Variants in SLC35F4 observed in about 807,000 individuals in gnomAD.
SLC35F4 encodes the protein chromosome 14 open reading frame 36.
In SLC35F4, 24 loss-of-function variants were observed where a neutral mutation model predicts 44.2. The ratio of observed to expected loss-of-function variants is 0.54; its 90% CI spans 0.39 to 0.76. The LOEUF is 0.76. SLC35F4 is among the 30% of genes least tolerant of loss of function. SLC35F4 has a pLI of 0.00. For missense variants in SLC35F4, 562 were observed against 586.1 expected (o/e 0.96, Z 0.42); for synonymous variants, 238 against 223.6 (o/e 1.06, Z -0.57).
chr14:57,658,819 A>G (rs954898094), intron 1 of SLC35F4, among the ~76,000 whole-genome samples: 2 of 152,226 alleles, frequency 1.3e-5, no homozygotes, highest in Admixed American at 6.5e-5. Flanking sequence ...AACGGTATCT[A>G]GCACAAAATG....
At chr14:57,897,953 A>T (rs546026243) in intron 1 of SLC35F4, among the ~76,000 whole-genome samples, 213 of 152,344 alleles carry the variant, frequency 1.4e-3, no homozygotes, top group South Asian at 0.011. Flanking sequence ...ATGCAAACAG[A>T]TGACTACTGA....
intron 1 of SLC35F4, among the ~76,000 whole-genome samples, chr14:57,922,013 T>C (rs1889453604): frequency 6.6e-6 from 1 of 152,194 alleles, no homozygotes; most frequent in Non-Finnish European, 1.5e-5. Flanking sequence ...TCTTGCTAGC[T>C]TGATGGCCAA....
intron 1 of SLC35F4, among the ~76,000 whole-genome samples, chr14:57,669,315 C>A (rs1321564549): frequency 6.6e-6 from 1 of 151,868 alleles, no homozygotes; most frequent in Non-Finnish European, 1.5e-5. Flanking sequence ...AATTGAATAC[C>A]CTTTATTTCC....
At chr14:57,598,068 G>T (rs767328577) in intron 1 of SLC35F4, among the ~76,000 whole-genome samples, 4 of 152,168 alleles carry the variant, frequency 2.6e-5, no homozygotes, top group Non-Finnish European at 5.9e-5. Context: ...GACCTACAGG[G>T]ACAAGAAGGC....
At chr14:57,926,733 G>GT (rs1263711720) in intron 1 of SLC35F4, among the ~76,000 whole-genome samples, 1 of 149,828 alleles carries the variant, frequency 6.7e-6, no homozygotes, top group Non-Finnish European at 1.5e-5. Flanking sequence ...GTTGGGGGGG[G>GT]GGGGTGGATA....
intron 1 of SLC35F4, among the ~76,000 whole-genome samples, chr14:57,742,581 T>C (rs1265955083): frequency 6.6e-6 from 1 of 152,166 alleles, no homozygotes; most frequent in East Asian, 1.9e-4. Context: ...AGCAAGTTCT[T>C]AGAGACGTAC....
At chr14:57,885,160 A>G (rs998716608) in intron 1 of SLC35F4, among the ~76,000 whole-genome samples, 2 of 152,142 alleles carry the variant, frequency 1.3e-5, no homozygotes, top group Non-Finnish European at 2.9e-5. Flanking sequence ...TTGTATGAAA[A>G]TCCATATTGT....
intron 1 of SLC35F4, among the ~76,000 whole-genome samples, chr14:57,907,868 G>A (rs1023558061): frequency 7.9e-5 from 12 of 151,968 alleles, no homozygotes; most frequent in Admixed American, 3.9e-4. Flanking sequence ...AGAACGTGCA[G>A]GGTTGTTACA....
At chr14:57,719,829 C>G (rs1453564970) in intron 1 of SLC35F4, among the ~76,000 whole-genome samples, 1 of 152,012 alleles carries the variant, frequency 6.6e-6, no homozygotes, top group South Asian at 2.1e-4. Flanking sequence ...ATTGCCCTAG[C>G]TAGGACTTCC....
In SLC35F4 at chr14:57,572,010, C is replaced by T; in HGVS notation, c.817G>A (p.Ala273Thr). Residue 273 changes from alanine to threonine, a missense_variant, in exon 5 of 8, where the codon GCA (alanine) becomes ACA (threonine). Physicochemically the swap from Ala to Thr is moderately conservative, Grantham distance 58. Transcript: ENST00000556826. ...DRFMGVRIVAAIMAITGIVMM... is the reference protein window; with the variant it reads ...DRFMGVRIVATIMAITGIVMM... ...ACAATGCCGGTAATTGCCATTATTGCAGCAACTATCTGTCAAATAGGATGC... is the reference window on the plus strand; with the variant it reads ...ACAATGCCGGTAATTGCCATTATTGTAGCAACTATCTGTCAAATAGGATGC... 1 of 1,609,480 alleles carries T rather than the reference C, an allele frequency of 6.2e-7. No individual in the cohort carries two copies. The highest frequency in any genetic ancestry group is 8.5e-7 in the Non-Finnish European group (1 of 1,177,702).
intron 1 of SLC35F4, among the ~76,000 whole-genome samples, chr14:57,763,272 C>G (rs939035267): frequency 1.3e-5 from 2 of 152,048 alleles, no homozygotes; most frequent in African/African-American, 4.8e-5. Context: ...TCAAGAGATA[C>G]CTTGATGTTT....
intron 1 of SLC35F4, among the ~76,000 whole-genome samples, chr14:57,750,989 C>T (rs562674720): frequency 6.6e-6 from 1 of 152,286 alleles, no homozygotes; most frequent in Admixed American, 6.5e-5. Context: ...GCCCAGTCTC[C>T]TCCGTCTCCG....
chr14:57,962,634 A>G (rs1890359717), intron 1 of SLC35F4, among the ~76,000 whole-genome samples: 1 of 152,246 alleles, frequency 6.6e-6, no homozygotes, highest in Admixed American at 6.5e-5. Flanking sequence ...GGTCCATTAA[A>G]TAAGGTCATG....
chr14:57,670,491 A>C, intron 1 of SLC35F4, among the ~76,000 whole-genome samples: 1 of 151,524 alleles, frequency 6.6e-6, no homozygotes, highest in Non-Finnish European at 1.5e-5. Flanking sequence ...TTCCCTCTAC[A>C]CACTGCTTTG....
intron 1 of SLC35F4, among the ~76,000 whole-genome samples, chr14:57,729,358 T>C (rs973281333): frequency 1.3e-5 from 2 of 152,200 alleles, no homozygotes; most frequent in African/African-American, 2.4e-5. Context: ...GGATAACCCC[T>C]GGAGCCAGCA....
chr14:57,770,710 C>T (rs368746318), intron 1 of SLC35F4, among the ~76,000 whole-genome samples: 1 of 152,074 alleles, frequency 6.6e-6, no homozygotes, highest in Non-Finnish European at 1.5e-5. Flanking sequence ...ATTTTCAAGT[C>T]AAATTTCATA....
intron 1 of SLC35F4, among the ~76,000 whole-genome samples, chr14:57,901,293 G>A (rs1888995376): frequency 6.6e-6 from 1 of 152,160 alleles, no homozygotes; most frequent in East Asian, 1.9e-4. Context: ...ATGATAAACT[G>A]GATAAAGAAA....
At chr14:57,807,359 C>T (rs939104097) in intron 1 of SLC35F4, among the ~76,000 whole-genome samples, 2 of 150,630 alleles carry the variant, frequency 1.3e-5, no homozygotes, top group African/African-American at 5.0e-5. Flanking sequence ...CTCAGAGCTT[C>T]CCCTGTTAGC....
chr14:57,613,450 A>T (rs1016841059), intron 1 of SLC35F4, among the ~76,000 whole-genome samples: 1 of 152,116 alleles, frequency 6.6e-6, no homozygotes, highest in Non-Finnish European at 1.5e-5. Flanking sequence ...TCCCCCAACA[A>T]TGGGTCACTC....
Sources: gnomAD v4.1 joint callset for allele counts (sites outside exome capture counted in the v4.1 genomes callset) on GRCh38, gnomAD v4.1.1 for gene constraint, MANE v1.5 for transcripts, NCBI Gene and HGNC (gene_info 2026-07-23, HGNC 2026-07-21) for gene names.